The following PKP4 variants were observed in gnomAD, a reference collection of about 807,000 sequenced individuals.
PKP4 encodes the protein plakophilin 4.
A neutral mutation model predicts 145.1 loss-of-function variants in PKP4; 90 were observed. The ratio of observed to expected loss-of-function variants is 0.62; its 90% CI spans 0.52 to 0.74. The LOEUF (loss-of-function observed/expected upper bound fraction) is 0.74. PKP4 is among the 30% of genes least tolerant of loss of function. The probability of loss-of-function intolerance (pLI) is 0.00; values close to 1 mark genes in which losing one functional copy is unlikely to be tolerated. For missense variants in PKP4, 1,340 were observed against 1,482.7 expected (o/e 0.90, Z 1.58); for synonymous variants, 563 against 577.2 (o/e 0.98, Z 0.35).
intron 16 of PKP4, 173 bp from the exon 17 acceptor site, chr2:158,669,547 C>G (rs150334976): frequency 7.2e-4 from 306 of 427,300 alleles, no homozygotes; most frequent in African/African-American, 5.6e-3. Context: ...TTAGCTTTCC[C>G]CTTATAATGA....
intron 19 of PKP4, among the ~76,000 whole-genome samples, chr2:158,674,974 C>T (rs749394187): frequency 1.3e-5 from 2 of 152,040 alleles, no homozygotes; most frequent in African/African-American, 4.8e-5. Flanking sequence ...ATTGTCTGTG[C>T]TTGTTGTGTA....
Position 158,590,791 on chromosome 2 carries a change from A to G in PKP4, c.246-12279A>G, listed in dbSNP as rs531273401. Among the ~76,000 whole-genome samples, 11 of 152,266 alleles carry G rather than the reference A, an allele frequency of 7.2e-5. No individual in the cohort carries two copies. The East Asian group carries it at 1.7e-3, about 24-fold the overall frequency. ...CCACTAACAAAATAGTGACAAACCA[A>G]TGATCACCAATGGCCACTAAAATCA... On this transcript the variant is annotated intron_variant, in intron 3 of 21. Coordinates refer to ENST00000389759, the MANE Select transcript of PKP4 (RefSeq NM_003628.6).
chr2:158,478,137 T>C (rs376941525), intron 1 of PKP4, among the ~76,000 whole-genome samples: 2 of 152,136 alleles, frequency 1.3e-5, no homozygotes, highest in African/African-American at 4.8e-5. Flanking sequence ...GTTAACCTCA[T>C]GTTAGCTATA....
chr2:158,603,072 C>A lies in PKP4; in HGVS notation c.248C>A (p.Ser83Ter). ...TTTTTTTCTTTCTTTTTCTTTAGCT[C>A]AACTGAGAAGTCATTTCCTTGGAGA... ...AESPSIASTS[S>*]TEKSFPWRST... The change falls in exon 4 of 22, where the codon TCA (serine) becomes TAA (stop). Residue 83 changes from serine to a stop codon, truncating the protein, a stop_gained and splice_region_variant. Coordinates refer to ENST00000389759, the MANE Select transcript of PKP4 (RefSeq NM_003628.6). LOFTEE classifies it high-confidence loss of function. 1 of 1,488,466 alleles carries A rather than the reference C, an allele frequency of 6.7e-7. No individual in the cohort carries two copies. Among genetic ancestry groups the A allele is most frequent in the East Asian group, 2.4e-5 (1 of 41,392 alleles). The allele number at this position is 1,488,466 out of a possible 1,614,324, so 92.2% of individuals were successfully genotyped here.
chr2:158,671,936 G>T (rs1477762841), intron 17 of PKP4, among the ~76,000 whole-genome samples: 1 of 152,210 alleles, frequency 6.6e-6, no homozygotes, highest in Non-Finnish European at 1.5e-5. Flanking sequence ...CTCCCTGGGG[G>T]AAGAGCATTT....
At chr2:158,660,868 G>A (rs1044549620) in intron 12 of PKP4, 11 of 153,578 alleles carry the variant, frequency 7.2e-5, no homozygotes, top group Non-Finnish European at 1.5e-4. Context: ...ACTGCAAGAA[G>A]CTTCTGGCCT....
chr2:158,535,121 G>A (rs1405262401), intron 2 of PKP4, among the ~76,000 whole-genome samples: 2 of 151,974 alleles, frequency 1.3e-5, no homozygotes, highest in Non-Finnish European at 2.9e-5. Context: ...ATACTCTCCT[G>A]GTTTTAAATA....
chr2:158,658,560 A>G lies in PKP4; in HGVS notation c.2093+246A>G, dbSNP rs569515113. The G allele has an allele frequency of 1.4e-5, 5 of 355,974 alleles. No individual in the cohort carries two copies. In the East Asian group the frequency reaches 1.9e-4, roughly 13 times the overall value. 22.1% of individuals were successfully genotyped at this position (355,974 alleles called of 1,614,324 possible). The stretch of plus-strand genomic sequence containing the variant: ...CTCAGAAAGGCCCTTTCAGTCTAAG[A>G]TTACTGCCAAAATTCCAGTGTTTTC... On this transcript the variant is annotated intron_variant, in intron 12 of 21. Transcript: ENST00000389759.
chr2:158,469,794 A>G (rs1691263664), intron 1 of PKP4, among the ~76,000 whole-genome samples: 1 of 152,186 alleles, frequency 6.6e-6, no homozygotes, highest in South Asian at 2.1e-4. Context: ...CATTTTCTGT[A>G]TTTGAATGAT....
chr2:158,470,762 G>A (rs1691437945), intron 1 of PKP4, among the ~76,000 whole-genome samples: 1 of 152,126 alleles, frequency 6.6e-6, no homozygotes, highest in African/African-American at 2.4e-5. Context: ...AACCCCACAA[G>A]GCATCAGTCA....
chr2:158,669,506 A>G (rs2057381230), intron 16 of PKP4: 1 of 383,140 alleles, frequency 2.6e-6, no homozygotes, highest in Non-Finnish European at 4.6e-6. Context: ...TTATAAATGA[A>G]TCATTTCTGC....
intron 11 of PKP4, among the ~76,000 whole-genome samples, chr2:158,645,880 A>G (rs2054778079): frequency 6.6e-6 from 1 of 152,246 alleles, no homozygotes; most frequent in Non-Finnish European, 1.5e-5. Flanking sequence ...ACATTTAAAA[A>G]TAAGTCAAAA....
chr2:158,641,559 A>G (rs930881520), intron 10 of PKP4, among the ~76,000 whole-genome samples: 1 of 152,286 alleles, frequency 6.6e-6, no homozygotes, highest in African/African-American at 2.4e-5. Flanking sequence ...TATAACATAT[A>G]GATTCTTTCT....
rs778363755 is a variant in PKP4 at position 158,662,921 on chromosome 2, C to A, written c.2236C>A (p.Leu746Met). The change falls in exon 14 of 22, where the codon CTG (leucine) becomes ATG (methionine). Residue 746 changes from leucine to methionine, a missense_variant. Leu to Met is a conservative substitution (Grantham distance 15). Coordinates refer to ENST00000389759, the MANE Select transcript of PKP4 (RefSeq NM_003628.6). ...GACGGTGGAGAACTGCGTGTGCACC[C>A]TGAGGAACCTGTCCTATCGGCTGGA... The part of the protein sequence containing the change: ...SKTVENCVCT[L>M]RNLSYRLELE... The A allele has an allele frequency of 6.2e-7, 1 of 1,608,002 alleles. No homozygotes were observed. The highest frequency in any genetic ancestry group is 8.5e-7 in the Non-Finnish European group (1 of 1,178,256).
intron 1 of PKP4, among the ~76,000 whole-genome samples, chr2:158,527,041 G>A (rs1354260205): frequency 9.5e-5 from 12 of 126,030 alleles, no homozygotes; most frequent in Non-Finnish European, 1.5e-4. Flanking sequence ...AATCAATATC[G>A]TGAAAATGGC....
At chr2:158,479,466 G>T (rs7585232) in intron 1 of PKP4, among the ~76,000 whole-genome samples, 3 of 152,146 alleles carry the variant, frequency 2.0e-5, no homozygotes, top group Admixed American at 6.5e-5. Context: ...TCAAGCGATC[G>T]GCCCGCCTTA....
chr2:158,522,336 A>G (rs150265876), intron 1 of PKP4, among the ~76,000 whole-genome samples: 123 of 152,358 alleles, frequency 8.1e-4, no homozygotes, highest in Non-Finnish European at 1.5e-3. Context: ...TATTACATCT[A>G]TAATATGCCA....
chr2:158,460,087 A>C (rs1689540916), intron 1 of PKP4, among the ~76,000 whole-genome samples: 1 of 152,200 alleles, frequency 6.6e-6, no homozygotes, highest in Non-Finnish European at 1.5e-5. Flanking sequence ...ATATCCAATT[A>C]TTTTAATTTT....
chr2:158,505,886 T>A (rs1404052729), intron 1 of PKP4, among the ~76,000 whole-genome samples: 1 of 152,008 alleles, frequency 6.6e-6, no homozygotes, highest in Non-Finnish European at 1.5e-5. Flanking sequence ...GTGCCCACCT[T>A]TCCACCAGCA....
Sources: allele counts gnomAD v4.1 joint callset (sites outside exome capture counted in the v4.1 genomes callset), GRCh38; gene constraint gnomAD v4.1.1; transcripts MANE v1.5; gene names NCBI Gene and HGNC (gene_info 2026-07-23, HGNC 2026-07-21).